Variants in AP1G1 observed in about 807,000 individuals in gnomAD.
The protein encoded by AP1G1 is AP-1 complex subunit gamma-1.
AP1G1 carries 7 observed loss-of-function variants against 108.3 expected under a neutral mutation model. That is an observed-to-expected ratio of 0.06 (90% CI 0.04 to 0.12). AP1G1 has a LOEUF of 0.12. Ranked by LOEUF, AP1G1 falls within the 10% of genes least tolerant of loss-of-function variation. The pLI is 1.00. For missense variants in AP1G1, 756 were observed against 1,010.7 expected (o/e 0.75, Z 3.42); for synonymous variants, 379 against 353.5 (o/e 1.07, Z -0.81).
chr16:71,738,135 C>T (rs1352088726), intron 21 of AP1G1, among the ~76,000 whole-genome samples: 1 of 152,180 alleles, frequency 6.6e-6, no homozygotes, highest in Non-Finnish European at 1.5e-5. Context: ...GCATCCTCAG[C>T]CTCCTGGGTT....
At chr16:71,767,956 G>C in intron 6 of AP1G1, 3 of 1,499,856 alleles carry the variant, frequency 2.0e-6, no homozygotes, top group South Asian at 2.3e-5. Flanking sequence ...GGACAGATAC[G>C]GGTCTCATAC....
chr16:71,738,099 G>A (rs2045572336), intron 21 of AP1G1, among the ~76,000 whole-genome samples: 1 of 152,230 alleles, frequency 6.6e-6, no homozygotes, highest in Non-Finnish European at 1.5e-5. Flanking sequence ...CCAGGCTGGA[G>A]TGCAGTGGCA....
rs541978872 is a variant in AP1G1, at chr16:71,792,302, T to C, written c.-3-2820A>G. ...AAAGCCACCAGTTAAGCTATGTCCC[T>C]TTTGGCATTCTAAACTGGTAAAATC... On this transcript the variant is annotated intron_variant, in intron 1 of 22. Coordinates refer to ENST00000299980, the MANE Select transcript of AP1G1 (RefSeq NM_001128.6). 4.6e-5 allele frequency among the ~76,000 whole-genome samples: 7 copies of C among 152,288 alleles called. No homozygotes were observed. The East Asian group carries it at 1.4e-3, about 29-fold the overall frequency.
chr16:71,752,180 G>T (rs1012109505), intron 13 of AP1G1, among the ~76,000 whole-genome samples: 2 of 151,582 alleles, frequency 1.3e-5, no homozygotes, highest in African/African-American at 4.8e-5. Flanking sequence ...ATAAAATCAG[G>T]GGCACAAAAA....
chr16:71,808,266 G>A, intron 1 of AP1G1: 1 of 971,120 alleles, frequency 1.0e-6, no homozygotes, highest in Non-Finnish European at 1.3e-6. Context: ...AGAGAGAGGC[G>A]AGGCCGATGT....
chr16:71,777,683 C>A, intron 2 of AP1G1: 2 of 449,886 alleles, frequency 4.4e-6, no homozygotes, highest in East Asian at 7.8e-5. Flanking sequence ...CAGCTCGGGC[C>A]CTTCATCATC....
chr16:71,740,129 TAG>T (rs1232690743), intron 19 of AP1G1, among the ~76,000 whole-genome samples: 1 of 152,196 alleles, frequency 6.6e-6, no homozygotes, highest in African/African-American at 2.4e-5. Context: ...ACAACCAATC[TAG>T]AGAGTAATTT....
chr16:71,806,672 G>A (rs1045858146), intron 1 of AP1G1: 12 of 1,282,522 alleles, frequency 9.4e-6, no homozygotes, highest in East Asian at 5.6e-5. Flanking sequence ...TAGTAACTGC[G>A]AGGGCATACT....
intron 19 of AP1G1, among the ~76,000 whole-genome samples, chr16:71,741,149 A>G (rs988872860): frequency 6.6e-6 from 1 of 152,268 alleles, no homozygotes; most frequent in Non-Finnish European, 1.5e-5. Context: ...TAGATTTCAA[A>G]CTACTTGTGA....
intron 15 of AP1G1, 36 bp downstream of exon 15, chr16:71,749,858 A>C (rs773377905): frequency 1.3e-6 from 2 of 1,525,416 alleles, no homozygotes; most frequent in South Asian, 2.2e-5. Context: ...CAAAACCACT[A>C]TTTTCCCCCA....
intron 21 of AP1G1, among the ~76,000 whole-genome samples, chr16:71,737,646 A>G (rs1304454676): frequency 6.6e-6 from 1 of 152,246 alleles, no homozygotes; most frequent in African/African-American, 2.4e-5. Context: ...AGAGGGTTGC[A>G]TGAGAGTCAG....
chr16:71,765,566 G>A lies in AP1G1; in HGVS notation c.661C>T (p.Arg221Cys), dbSNP rs770148749. 13 of 1,612,600 alleles carry A rather than the reference G, an allele frequency of 8.1e-6. No homozygotes were observed. The highest frequency in any genetic ancestry group is 9.3e-6 in the Non-Finnish European group (11 of 1,178,950). Residue 221 changes from arginine (R) to cysteine (C), a missense_variant, in exon 7 of 23, where the codon CGT (arginine) becomes TGT (cysteine). By Grantham distance (180) the Arg-to-Cys change is radical. Transcript: ENST00000299980. ...GACATGATGAGGTTCTTTAAAATACGAACTAATTGGGGCACAAGCTGCAGA... is the reference window on the plus strand; with the variant it reads ...GACATGATGAGGTTCTTTAAAATACAAACTAATTGGGGCACAAGCTGCAGA... ...HFRKLVPQLVRILKNLIMSGY... is the reference protein window; with the variant it reads ...HFRKLVPQLVCILKNLIMSGY...
chr16:71,762,210 T>C (rs2031120555), intron 9 of AP1G1, among the ~76,000 whole-genome samples: 1 of 152,020 alleles, frequency 6.6e-6, no homozygotes, highest in Non-Finnish European at 1.5e-5. Context: ...TGACACATGG[T>C]TCAACCTTGA....
chr16:71,774,908 A>G (rs1475328301), intron 2 of AP1G1, among the ~76,000 whole-genome samples: 3 of 151,260 alleles, frequency 2.0e-5, no homozygotes, highest in Admixed American at 1.3e-4. Flanking sequence ...TTTAGTAGAG[A>G]CAGGGTTTCA....
At chr16:71,755,727 C>T (rs1032464696) in intron 12 of AP1G1, among the ~76,000 whole-genome samples, 1 of 151,936 alleles carries the variant, frequency 6.6e-6, no homozygotes, top group Non-Finnish European at 1.5e-5. Flanking sequence ...CTCACTGCAA[C>T]CTCCACCTCC....
chr16:71,785,179 AAAG>A (rs1255758652), intron 2 of AP1G1, among the ~76,000 whole-genome samples: 1 of 152,008 alleles, frequency 6.6e-6, no homozygotes, highest in African/African-American at 2.4e-5. Flanking sequence ...GCTAAACTAA[AAAG>A]AAAAAAAAAG....
chr16:71,773,388 A>C, intron 3 of AP1G1, 26 bp from the exon 4 acceptor site: 1 of 1,481,778 alleles, frequency 6.7e-7, no homozygotes, highest in Non-Finnish European at 8.9e-7. Flanking sequence ...GGAAGGTAGG[A>C]ACAAGCCTGG....
At chr16:71,771,459 G>A (rs904560680) in intron 4 of AP1G1, among the ~76,000 whole-genome samples, 1 of 152,130 alleles carries the variant, frequency 6.6e-6, no homozygotes, top group Non-Finnish European at 1.5e-5. Context: ...CCCAAGGCAG[G>A]AGAATCACTT....
At chr16:71,738,271 A>G (rs1190891303) in intron 21 of AP1G1, among the ~76,000 whole-genome samples, 1 of 149,414 alleles carries the variant, frequency 6.7e-6, no homozygotes, top group Non-Finnish European at 1.5e-5. Flanking sequence ...CATGTTGGCC[A>G]GGTTCTCGAA....
Sources: gnomAD v4.1 joint callset for allele counts (sites outside exome capture counted in the v4.1 genomes callset) on GRCh38, gnomAD v4.1.1 for gene constraint, MANE v1.5 for transcripts, NCBI Gene and HGNC (gene_info 2026-07-23, HGNC 2026-07-21) for gene names.